Variants in MAGI3 observed in about 807,000 individuals in gnomAD.
MAGI3 encodes the protein membrane-associated guanylate kinase, WW and PDZ domain-containing protein 3.
MAGI3 carries 43 observed loss-of-function variants against 121.8 expected under a neutral mutation model. The ratio of observed to expected loss-of-function variants is 0.35; its 90% CI spans 0.28 to 0.46. The LOEUF is 0.46. MAGI3 is among the 20% of genes least tolerant of loss of function. MAGI3 has a pLI of 1.00. For missense variants in MAGI3, 1,547 were observed against 1,797.3 expected (o/e 0.86, Z 2.52); for synonymous variants, 553 against 639.3 (o/e 0.86, Z 2.04).
intron 4 of MAGI3, 69 bp downstream of exon 4, chr1:113,585,665 G>A: frequency 5.0e-6 from 7 of 1,405,632 alleles, no homozygotes; most frequent in South Asian, 4.1e-5. Context: ...TGAATTAAAA[G>A]CACTAAAATT....
At chr1:113,418,642 C>T (rs539382303) in intron 1 of MAGI3, among the ~76,000 whole-genome samples, 2 of 152,072 alleles carry the variant, frequency 1.3e-5, no homozygotes, top group Non-Finnish European at 2.9e-5. Context: ...ATGGAAAGCA[C>T]ATGGAGTTTG....
intron 1 of MAGI3, among the ~76,000 whole-genome samples, chr1:113,400,028 A>T: frequency 6.6e-6 from 1 of 152,176 alleles, no homozygotes; most frequent in East Asian, 1.9e-4. Context: ...ACTGACTCTT[A>T]TATAAAATGG....
At chr1:113,655,677 C>A (rs1261248214) in intron 15 of MAGI3, among the ~76,000 whole-genome samples, 1 of 151,788 alleles carries the variant, frequency 6.6e-6, no homozygotes, top group Non-Finnish European at 1.5e-5. Flanking sequence ...TTTTGTAATC[C>A]AACAAACTTG....
At chr1:113,395,501 A>G (rs903525722) in intron 1 of MAGI3, among the ~76,000 whole-genome samples, 2 of 151,910 alleles carry the variant, frequency 1.3e-5, no homozygotes, top group African/African-American at 4.8e-5. Flanking sequence ...AGCAATTGCA[A>G]GCTGATTTGC....
chr1:113,460,595 G>C (rs946912358), intron 1 of MAGI3, among the ~76,000 whole-genome samples: 1 of 152,136 alleles, frequency 6.6e-6, no homozygotes, highest in African/African-American at 2.4e-5. Context: ...GGATCATGAA[G>C]TCAGGAGATC....
chr1:113,519,438 A>G (rs562000794), intron 1 of MAGI3, among the ~76,000 whole-genome samples: 1 of 152,314 alleles, frequency 6.6e-6, no homozygotes, highest in African/African-American at 2.4e-5. Flanking sequence ...AAATCTGTTA[A>G]ATGTTTGATA....
At chr1:113,486,351 T>G (rs1200476479) in intron 1 of MAGI3, among the ~76,000 whole-genome samples, 1 of 152,188 alleles carries the variant, frequency 6.6e-6, no homozygotes, top group Non-Finnish European at 1.5e-5. Context: ...GCATGGGATG[T>G]GTTTCCATTT....
intron 1 of MAGI3, among the ~76,000 whole-genome samples, chr1:113,539,254 G>A (rs546722821): frequency 2.6e-5 from 4 of 151,938 alleles, no homozygotes; most frequent in African/African-American, 9.6e-5. Context: ...TTAGCTGGGC[G>A]TGGTGGTGTG....
chr1:113,641,196 G>A (rs1362726688), intron 9 of MAGI3, among the ~76,000 whole-genome samples: 1 of 144,932 alleles, frequency 6.9e-6, no homozygotes, highest in African/African-American at 2.5e-5. Context: ...GGTGGAGGAG[G>A]ATTTCTGGCT....
intron 1 of MAGI3, among the ~76,000 whole-genome samples, chr1:113,460,994 A>G (rs1655005315): frequency 6.6e-6 from 1 of 152,182 alleles, no homozygotes; most frequent in African/African-American, 2.4e-5. Flanking sequence ...TGCCACAAAA[A>G]GAATAAAATA....
rs1405119383 is a variant in MAGI3, at chr1:113,677,950, CT to C, written c.3190-3247del. Among the ~76,000 whole-genome samples, 3 of 152,142 alleles carry C rather than the reference CT, an allele frequency of 2.0e-5. No homozygotes were observed. The East Asian group carries it at 5.8e-4, about 29-fold the overall frequency. ...TCCCTCTCAGAAGAGTCTTTTTCAT[CT>C]GTAGTTTTGTGTATGTAGGTCTCTG... On this transcript the variant is annotated intron_variant, in intron 19 of 20. Coordinates refer to ENST00000307546, the MANE Select transcript of MAGI3 (RefSeq NM_001142782.2).
intron 1 of MAGI3, among the ~76,000 whole-genome samples, chr1:113,525,854 T>G (rs575524755): frequency 6.6e-6 from 1 of 151,990 alleles, no homozygotes; most frequent in African/African-American, 2.4e-5. Context: ...GTACAAAAAT[T>G]AGCTGGATGT....
intron 1 of MAGI3, among the ~76,000 whole-genome samples, chr1:113,482,077 A>C (rs1656140542): frequency 1.3e-5 from 2 of 151,914 alleles, no homozygotes; most frequent in African/African-American, 4.8e-5. Flanking sequence ...ACTTAATATA[A>C]AATTAAATTT....
intron 1 of MAGI3, among the ~76,000 whole-genome samples, chr1:113,419,708 A>G (rs1337999516): frequency 6.6e-6 from 1 of 152,168 alleles, no homozygotes; most frequent in Non-Finnish European, 1.5e-5. Context: ...ATTGGTTTCC[A>G]TTACTGCTGT....
At chr1:113,447,965 A>G (rs1156777214) in intron 1 of MAGI3, among the ~76,000 whole-genome samples, 1 of 152,248 alleles carries the variant, frequency 6.6e-6, no homozygotes, top group Non-Finnish European at 1.5e-5. Flanking sequence ...GCCCCTGGCA[A>G]CCACTAAATG....
At chr1:113,479,875 G>A (rs1389580633) in intron 1 of MAGI3, among the ~76,000 whole-genome samples, 1 of 151,822 alleles carries the variant, frequency 6.6e-6, no homozygotes, top group East Asian at 1.9e-4. Flanking sequence ...GTGTGCTGTC[G>A]AAAGCTCTCT....
chr1:113,439,586 A>T (rs143353443), intron 1 of MAGI3, among the ~76,000 whole-genome samples: 120 of 152,148 alleles, frequency 7.9e-4, no homozygotes, highest in African/African-American at 2.8e-3. Flanking sequence ...CTTGACTTTG[A>T]GCTCCGTGAG....
chr1:113,609,909 C>T (rs1455758291), intron 6 of MAGI3, among the ~76,000 whole-genome samples: 2 of 152,112 alleles, frequency 1.3e-5, no homozygotes, highest in Non-Finnish European at 2.9e-5. Flanking sequence ...TCTCTTGGCC[C>T]TAACCCTCCC....
intron 1 of MAGI3, among the ~76,000 whole-genome samples, chr1:113,516,622 A>G (rs991764026): frequency 6.6e-6 from 1 of 152,128 alleles, no homozygotes; most frequent in East Asian, 1.9e-4. Context: ...AGTGAAGTAG[A>G]CAAATCTCCT....
Sources: allele counts gnomAD v4.1 joint callset (sites outside exome capture counted in the v4.1 genomes callset), GRCh38; gene constraint gnomAD v4.1.1; transcripts MANE v1.5; gene names NCBI Gene and HGNC (gene_info 2026-07-23, HGNC 2026-07-21).